Variants in AKAP19 observed in about 807,000 individuals in gnomAD.
AKAP19 encodes small A-kinase anchoring protein.
At chr2:190,108,782 G>GT in the AKAP19 span, among the ~76,000 whole-genome samples, 78 of 115,130 alleles carry the variant, frequency 6.8e-4, no homozygotes, top group African/African-American at 1.3e-3. Context: ...GCCTGTTTGC[G>GT]GTTTTTTTTT....
chr2:190,125,433 A>G, the AKAP19 span, among the ~76,000 whole-genome samples: 55 of 152,324 alleles, frequency 3.6e-4, no homozygotes, highest in Admixed American at 1.2e-3. Flanking sequence ...GATATAATCC[A>G]ATGAAACTGT....
At chr2:189,923,199 G>A in the AKAP19 span, 8 of 739,466 alleles carry the variant, frequency 1.1e-5, no homozygotes, top group East Asian at 2.6e-5. Flanking sequence ...AAGACTGAGC[G>A]GTTGCGGCCG....
At chr2:190,101,861 C>A in the AKAP19 span, among the ~76,000 whole-genome samples, 2 of 152,072 alleles carry the variant, frequency 1.3e-5, no homozygotes, top group East Asian at 1.9e-4. Context: ...TAGATATTGA[C>A]AAAATACCCC....
At chr2:190,166,751 G>A in the AKAP19 span, among the ~76,000 whole-genome samples, 1 of 152,084 alleles carries the variant, frequency 6.6e-6, no homozygotes, top group Non-Finnish European at 1.5e-5. Context: ...AATAGAATGG[G>A]ACTTCCTTGA....
chr2:190,097,697 C>A, the AKAP19 span, among the ~76,000 whole-genome samples: 1 of 151,746 alleles, frequency 6.6e-6, no homozygotes, highest in East Asian at 1.9e-4. Context: ...TAGGTTCTAT[C>A]TCAAGAAACC....
At chr2:190,151,797 T>G in the AKAP19 span, among the ~76,000 whole-genome samples, 2 of 150,718 alleles carry the variant, frequency 1.3e-5, no homozygotes, top group South Asian at 2.1e-4. Flanking sequence ...AGGCCAGGAG[T>G]TCAAGACCAG....
chr2:189,974,532 C>A, the AKAP19 span, among the ~76,000 whole-genome samples: 2 of 152,090 alleles, frequency 1.3e-5, no homozygotes, highest in East Asian at 1.9e-4. Flanking sequence ...CCTGGATATC[C>A]TTTTTAACTT....
chr2:190,202,883 G>A, the AKAP19 span: 1 of 167,026 alleles, frequency 6.0e-6, no homozygotes, highest in African/African-American at 2.4e-5. Context: ...TGTCGCTTAT[G>A]TACTGTTGTT....
the AKAP19 span, among the ~76,000 whole-genome samples, chr2:189,921,757 G>C: frequency 6.6e-6 from 1 of 152,218 alleles, no homozygotes; most frequent in Non-Finnish European, 1.5e-5. Flanking sequence ...ATCAGAATTT[G>C]TGTAGTATGA....
the AKAP19 span, among the ~76,000 whole-genome samples, chr2:190,134,578 C>T: frequency 3.3e-5 from 5 of 151,758 alleles, no homozygotes; most frequent in African/African-American, 1.2e-4. Flanking sequence ...AGTAATAAAA[C>T]CTTTAATATT....
At chr2:190,178,454 C>T in the AKAP19 span, among the ~76,000 whole-genome samples, 1 of 152,210 alleles carries the variant, frequency 6.6e-6, no homozygotes, top group Non-Finnish European at 1.5e-5. This position sits in a 1 kb window ranked among gnomAD's most constrained non-coding sequence, Gnocchi z 6.3. Flanking sequence ...TGCGGTCTCC[C>T]CACCAGCCCC....
At chr2:189,907,094 C>T in the AKAP19 span, among the ~76,000 whole-genome samples, 2 of 152,172 alleles carry the variant, frequency 1.3e-5, no homozygotes, top group East Asian at 1.9e-4. Flanking sequence ...TTCCATTCTT[C>T]ACACAGCAGC....
At chr2:190,047,368 C>T in the AKAP19 span, among the ~76,000 whole-genome samples, 55 of 152,326 alleles carry the variant, frequency 3.6e-4, no homozygotes, top group Non-Finnish European at 5.1e-4. Flanking sequence ...TGCTAACAGA[C>T]GTCTCCTCCT....
chr2:189,882,942 C>A, the AKAP19 span, among the ~76,000 whole-genome samples: 1 of 151,384 alleles, frequency 6.6e-6, no homozygotes, highest in Non-Finnish European at 1.5e-5. Flanking sequence ...TTTTTTCAGA[C>A]TAGCAACACA....
chr2:190,133,011 C>T, the AKAP19 span, among the ~76,000 whole-genome samples: 1 of 151,606 alleles, frequency 6.6e-6, no homozygotes, highest in Non-Finnish European at 1.5e-5. Context: ...CCAAGGTGGG[C>T]GGATCATGAG....
chr2:190,179,798 T>C, the AKAP19 span, among the ~76,000 whole-genome samples: 5 of 152,224 alleles, frequency 3.3e-5, no homozygotes, highest in African/African-American at 1.2e-4. This position sits in a 1 kb window ranked among gnomAD's most constrained non-coding sequence, Gnocchi z 6.0. Context: ...TCATCTGTAA[T>C]GTGGAGTCAA....
the AKAP19 span, among the ~76,000 whole-genome samples, chr2:189,942,517 A>T: frequency 6.6e-6 from 1 of 152,192 alleles, no homozygotes; most frequent in Non-Finnish European, 1.5e-5. Flanking sequence ...GGGCTTTACT[A>T]TAAAGGTACC....
the AKAP19 span, among the ~76,000 whole-genome samples, chr2:189,956,933 A>G: frequency 6.6e-6 from 1 of 152,200 alleles, no homozygotes; most frequent in East Asian, 1.9e-4. Context: ...AATATCAGAC[A>G]TGCTTTCAGT....
chr2:189,992,949 A>G, the AKAP19 span, among the ~76,000 whole-genome samples: 1 of 152,216 alleles, frequency 6.6e-6, no homozygotes, highest in Admixed American at 6.5e-5. Flanking sequence ...TTATACAATC[A>G]TATCATTGGT....
Sources: gnomAD v4.1 joint callset for allele counts (sites outside exome capture counted in the v4.1 genomes callset) on GRCh38, gnomAD v4.1.1 for gene constraint, Gnocchi (gnomAD v3.1) non-coding constraint, MANE v1.5 for transcripts, NCBI Gene and HGNC (gene_info 2026-07-23, HGNC 2026-07-21) for gene names.